CFAP69: variants seen among roughly 807,000 people sequenced by gnomAD.
CFAP69 encodes cilia- and flagella-associated protein 69.
In CFAP69, 92 loss-of-function variants were observed where a neutral mutation model predicts 123.0. The ratio of observed to expected loss-of-function variants is 0.75; its 90% CI spans 0.63 to 0.89. The LOEUF is 0.89. Ranked by LOEUF, CFAP69 falls within the 40% of genes least tolerant of loss-of-function variation. The pLI is 0.00. For synonymous variants in CFAP69, 380 were observed against 364.3 expected, an observed-to-expected ratio of 1.04 and a Z score of -0.49; for missense variants, 1,067 against 1,096.9, an observed-to-expected ratio of 0.97 and a Z score of 0.39.
rs1440359650 is a variant in CFAP69 at position 90,300,023 on chromosome 7, C to A, written c.2014C>A (p.Leu672Ile). 1.2e-6 allele frequency: 2 copies of A among 1,606,242 alleles called. No homozygotes were observed. ...IKLWRKEEKE[L>I]GVKRDKNGKI... ...ATTGTGGAGAAAGGAGGAAAAAGAA[C>A]TAGGAGTAAAACGTGATAAAAATGG... is the stretch of plus-strand genomic sequence containing the variant. Residue 672 changes from leucine (L) to isoleucine (I), a missense_variant, in exon 17 of 23, where the codon CTA becomes ATA. By Grantham distance (5) the Leu-to-Ile change is conservative. Coordinates refer to ENST00000389297, the MANE Select transcript of CFAP69 (RefSeq NM_001039706.3).
chr7:90,283,273 TATC>T (rs1372067208), intron 13 of CFAP69, among the ~76,000 whole-genome samples: 1 of 152,318 alleles, frequency 6.6e-6, no homozygotes, highest in East Asian at 1.9e-4. Context: ...TCAACTCAAA[TATC>T]ATTTCATTTA....
intron 13 of CFAP69, among the ~76,000 whole-genome samples, 161 bp from the exon 14 acceptor site, chr7:90,286,120 A>G (rs1393038136): frequency 1.3e-5 from 2 of 152,236 alleles, no homozygotes; most frequent in African/African-American, 2.4e-5. Flanking sequence ...TAGGCAACAT[A>G]ATGAGACCCT....
intron 9 of CFAP69, among the ~76,000 whole-genome samples, chr7:90,274,646 T>C (rs1026500197): frequency 1.4e-4 from 22 of 152,108 alleles, no homozygotes; most frequent in Non-Finnish European, 3.1e-4. Flanking sequence ...CATGGTGTAA[T>C]GGTGAGCACC....
intron 18 of CFAP69, chr7:90,304,534 T>C (rs1346956294): frequency 9.8e-6 from 13 of 1,329,064 alleles, no homozygotes; most frequent in Non-Finnish European, 1.2e-5. Context: ...TTGGATGACC[T>C]GGCAGAAATG....
At position 90,309,842 on chromosome 7, in the gene CFAP69, C is replaced by G. The variant is rs532820489; in HGVS notation, c.2656-226C>G. On this transcript the variant is annotated intron_variant, in intron 22 of 22. Transcript: ENST00000389297. Reference sequence around the variant, plus strand: ...TCCCAAGTGTTCCTGGTATCCTCTGCTAGACTTAATTTGCCCCCAGTTACA... The same window carrying G: ...TCCCAAGTGTTCCTGGTATCCTCTGGTAGACTTAATTTGCCCCCAGTTACA... 1.0e-3 allele frequency among the ~76,000 whole-genome samples: 157 copies of G among 152,252 alleles called. 3 individuals are homozygous for G. The South Asian group carries it at 0.031, about 30-fold the overall frequency.
In CFAP69 at chr7:90,245,238, G is replaced by A. The variant is rs887010215; in HGVS notation, c.-187G>A. 8 of 659,836 alleles carry A rather than the reference G, an allele frequency of 1.2e-5. No individual in the cohort carries two copies. Among genetic ancestry groups the A allele is most frequent in the African/African-American group, 1.9e-5 (1 of 52,600 alleles). The allele number at this position is 659,836 out of a possible 1,614,324, so 40.9% of individuals were successfully genotyped here. A position where few individuals can be genotyped will look rare whatever the true frequency, so the allele number is the denominator to read the frequency against. ...AGAGGTCTGGGTCAACTGGGGGGCG[G>A]CAGCGGCGCTAAGCGGACTGTATGG... is the stretch of plus-strand genomic sequence containing the variant. On this transcript the variant is annotated 5_prime_UTR_variant, in exon 1 of 23. Coordinates refer to ENST00000389297, the MANE Select transcript of CFAP69 (RefSeq NM_001039706.3).
rs769725666 is a variant in CFAP69, at chr7:90,265,328, G to A, written c.384G>A (p.Ser128=). 1.6e-5 allele frequency: 25 copies of A among 1,610,580 alleles called. No homozygotes were observed. The highest frequency in any genetic ancestry group is 6.7e-5 in the African/African-American group (5 of 74,786). The change falls in exon 5 of 23, where the codon TCG becomes TCA. Residue 128 remains serine, a synonymous_variant. Coordinates refer to ENST00000389297, the MANE Select transcript of CFAP69 (RefSeq NM_001039706.3). Reference sequence around the variant, plus strand: ...TGCCATTTTTGAAAAAGAAAGTGTCGGATGAAATAACTTATGCTGAAGATA... The same window carrying A: ...TGCCATTTTTGAAAAAGAAAGTGTCAGATGAAATAACTTATGCTGAAGATA... ...CGLPFLKKKV[S]DEITYAEDTA...
chr7:90,306,117 G>A (rs1004899178), intron 19 of CFAP69, among the ~76,000 whole-genome samples: 2 of 150,520 alleles, frequency 1.3e-5, no homozygotes, highest in Non-Finnish European at 3.0e-5. Context: ...TTTTTATTGG[G>A]GGGGGGCGGG....
chr7:90,310,235 G>A lies in CFAP69; in HGVS notation c.2823G>A (p.Thr941=), dbSNP rs191343185. The A allele has an allele frequency of 1.2e-4, 189 of 1,611,814 alleles. No homozygotes were observed. Among genetic ancestry groups the A allele is most frequent in the East Asian group, 2.9e-4 (13 of 44,846 alleles). Residue 941 remains threonine, a synonymous_variant, in exon 23 of 23, where the codon ACG becomes ACA. Coordinates refer to ENST00000389297, the MANE Select transcript of CFAP69 (RefSeq NM_001039706.3). ...IVDAPKKSIP[T] is the part of the protein sequence containing the mutation. ...ATGCACCAAAAAAGAGTATTCCTACGTAATATACTATAGAGACTTTTTGAA... is the reference window on the plus strand; with the variant it reads ...ATGCACCAAAAAAGAGTATTCCTACATAATATACTATAGAGACTTTTTGAA...
At chr7:90,312,352 G>A (rs930952471), downstream of CFAP69, 1 of 152,194 alleles carries the variant, frequency 6.6e-6, no homozygotes, top group Non-Finnish European at 1.5e-5. Context: ...CCAAGGTGTG[G>A]AAATAGTATT....
At chr7:90,307,716 AAAAAAAAAAG>A (rs1793808994) in intron 20 of CFAP69, 42 bp from the exon 21 acceptor site, 2 of 1,255,956 alleles carry the variant, frequency 1.6e-6, no homozygotes, top group Admixed American at 4.7e-5. Flanking sequence ...TCTGTCTCAA[AAAAAAAAAAG>A]AAAAAAAAGA....
chr7:90,316,299 G>A, the CFAP69 span, among the ~76,000 whole-genome samples: 2 of 152,164 alleles, frequency 1.3e-5, no homozygotes, highest in Non-Finnish European at 2.9e-5. Flanking sequence ...ACCCAAAGCT[G>A]TGAAACTGAA....
intron 15 of CFAP69, among the ~76,000 whole-genome samples, chr7:90,295,407 G>T (rs1343404539): frequency 1.3e-5 from 2 of 152,140 alleles, no homozygotes; most frequent in African/African-American, 4.8e-5. Flanking sequence ...CCATCCTTCA[G>T]CCGAGTACCC....
At chr7:90,318,481 A>T in the CFAP69 span, 1 of 152,178 alleles carries the variant, frequency 6.6e-6, no homozygotes, top group African/African-American at 2.4e-5. Flanking sequence ...TTCAGAAACC[A>T]CAAAATATAC....
At chr7:90,253,304 A>G (rs1169795858) in intron 1 of CFAP69, among the ~76,000 whole-genome samples, 1 of 152,188 alleles carries the variant, frequency 6.6e-6, no homozygotes, top group African/African-American at 2.4e-5. Context: ...AGATCCCTGT[A>G]TCATCATAAA....
chr7:90,306,674 C>T (rs1221278286), intron 19 of CFAP69, among the ~76,000 whole-genome samples: 1 of 152,128 alleles, frequency 6.6e-6, no homozygotes, highest in Non-Finnish European at 1.5e-5. Flanking sequence ...CATAGGAGAG[C>T]CTTATCCATG....
At chr7:90,259,936 C>T (rs1316136316) in intron 3 of CFAP69, among the ~76,000 whole-genome samples, 1 of 152,188 alleles carries the variant, frequency 6.6e-6, no homozygotes, top group Non-Finnish European at 1.5e-5. Context: ...CCAGAACTGA[C>T]AGTGGTCCAT....
chr7:90,245,250 A>G lies in CFAP69; in HGVS notation c.-175A>G. ...CAACTGGGGGGCGGCAGCGGCGCTAAGCGGACTGTATGGCGGTGGCCTAGG... is the reference window on the plus strand; with the variant it reads ...CAACTGGGGGGCGGCAGCGGCGCTAGGCGGACTGTATGGCGGTGGCCTAGG... On this transcript the variant is annotated 5_prime_UTR_variant, in exon 1 of 23. Coordinates refer to ENST00000389297, the MANE Select transcript of CFAP69 (RefSeq NM_001039706.3). 1 of 794,404 alleles carries G rather than the reference A, an allele frequency of 1.3e-6. No homozygotes were observed. The highest frequency in any genetic ancestry group is 1.8e-6 in the Non-Finnish European group (1 of 560,362). 49.2% of individuals were successfully genotyped at this position (794,404 alleles called of 1,614,324 possible).
At chr7:90,262,135 G>T in intron 4 of CFAP69, 79 bp downstream of exon 4, 1 of 870,770 alleles carries the variant, frequency 1.1e-6, no homozygotes, top group Non-Finnish European at 1.8e-6. Context: ...AACATACTAT[G>T]CATTATAGTG....
Sources: gnomAD v4.1 joint callset for allele counts (sites outside exome capture counted in the v4.1 genomes callset) on GRCh38, gnomAD v4.1.1 for gene constraint, MANE v1.5 for transcripts, NCBI Gene and HGNC (gene_info 2026-07-23, HGNC 2026-07-21) for gene names.